Variants in MALT1 observed in about 807,000 individuals in gnomAD.
MALT1 encodes the protein mucosa-associated lymphoid tissue lymphoma translocation protein 1.
A neutral mutation model predicts 85.5 loss-of-function variants in MALT1; 36 were observed. That is an observed-to-expected ratio of 0.42 (90% CI 0.32 to 0.56). The LOEUF (loss-of-function observed/expected upper bound fraction) is 0.56, where lower values mean the gene tolerates loss of function less well. Among genes scored for constraint, MALT1 ranks in the 20% least tolerant of loss-of-function variants. The pLI, the probability that MALT1 is intolerant of heterozygous loss-of-function variation, is 0.10. For missense variants in MALT1, 716 were observed against 981.6 expected, an observed-to-expected ratio of 0.73 and a Z score of 3.62; for synonymous variants, 359 against 361.3, an observed-to-expected ratio of 0.99 and a Z score of 0.07.
chr18:58,696,123 C>A (rs187383822), intron 2 of MALT1, among the ~76,000 whole-genome samples: 107 of 152,300 alleles, frequency 7.0e-4, no homozygotes, highest in Admixed American at 9.2e-4. Flanking sequence ...TTCTCCCCCA[C>A]CCAATCATGG....
At chr18:58,737,950 C>T (rs147612994) in intron 13 of MALT1, among the ~76,000 whole-genome samples, 117 of 152,312 alleles carry the variant, frequency 7.7e-4, no homozygotes, top group African/African-American at 2.7e-3. Flanking sequence ...TATAATGCTA[C>T]AGCCATCAAT....
intron 3 of MALT1, chr18:58,697,320 A>G (rs527765043): frequency 6.6e-6 from 1 of 152,276 alleles, no homozygotes; most frequent in East Asian, 1.9e-4. Context: ...ATTGCCTCAT[A>G]CTGTAGGTGA....
At position 58,734,392 on chromosome 18, in the gene MALT1, T is replaced by C. The variant is rs747885496; in HGVS notation, c.1475+11T>C. On this transcript the variant is annotated intron_variant, in intron 12 of 16. Transcript: ENST00000649217. ...GTTTGGATATGCCACGTAAGAACAT[T>C]TGATGTTTACGTTGAAGTTTCCTTT... The C allele has an allele frequency of 1.9e-6, 3 of 1,605,796 alleles. No individual in the cohort carries two copies. Among genetic ancestry groups the C allele is most frequent in the Admixed American group, 1.7e-5 (1 of 59,996 alleles).
At chr18:58,711,966 T>C (rs975852020) in intron 7 of MALT1, among the ~76,000 whole-genome samples, 7 of 152,172 alleles carry the variant, frequency 4.6e-5, no homozygotes, top group Admixed American at 6.5e-5. Flanking sequence ...TTTTGCCTAA[T>C]TGCATGGTTT....
intron 4 of MALT1, among the ~76,000 whole-genome samples, chr18:58,701,767 T>C (rs1428132748): frequency 6.6e-6 from 1 of 152,214 alleles, no homozygotes; most frequent in African/African-American, 2.4e-5. Context: ...AAAGTTAATC[T>C]TTTGAACGTA....
At chr18:58,729,549 C>A (rs1360992211) in intron 10 of MALT1, among the ~76,000 whole-genome samples, 1 of 149,136 alleles carries the variant, frequency 6.7e-6, no homozygotes, top group Non-Finnish European at 1.5e-5. Context: ...GAAAAAAACA[C>A]TATGGAGTCA....
At position 58,681,275 on chromosome 18, in the gene MALT1, A is replaced by C; in HGVS notation, c.315A>C (p.Glu105Asp). 4 of 1,614,168 alleles carry C rather than the reference A, an allele frequency of 2.5e-6. No individual in the cohort carries two copies. Among genetic ancestry groups the C allele is most frequent in the Non-Finnish European group, 3.4e-6 (4 of 1,180,010 alleles). Residue 105 changes from glutamate (E) to aspartate (D), a missense_variant, in exon 2 of 17, where the codon GAA becomes GAC. By Grantham distance (45) the Glu-to-Asp change is conservative (BLOSUM62 2). Coordinates refer to ENST00000649217, the MANE Select transcript of MALT1 (RefSeq NM_006785.4). Reference sequence around the variant, plus strand: ...GTGAAAAAGGTTGCACAGTCACAGAATTGAGTGATTTCCTGCAGGCTATGG... The same window carrying C: ...GTGAAAAAGGTTGCACAGTCACAGACTTGAGTGATTTCCTGCAGGCTATGG... ...LMGEKGCTVT[E>D]LSDFLQAMEH...
At chr18:58,711,579 G>A (rs1025731674) in intron 7 of MALT1, among the ~76,000 whole-genome samples, 4 of 152,070 alleles carry the variant, frequency 2.6e-5, no homozygotes, top group Non-Finnish European at 4.4e-5. Context: ...ATTAGCCAAA[G>A]CATTGTACTT....
intron 6 of MALT1, among the ~76,000 whole-genome samples, chr18:58,710,647 A>G (rs1025469690): frequency 3.3e-5 from 5 of 152,214 alleles, no homozygotes; most frequent in Non-Finnish European, 7.3e-5. Context: ...AATAAAAGAA[A>G]AAGATTTTTA....
Position 58,735,197 on chromosome 18 carries a change from T to C in MALT1, c.1476-5T>C, listed in dbSNP as rs755420402. 1.2e-6 allele frequency: 2 copies of C among 1,601,782 alleles called. No individual in the cohort carries two copies. Among genetic ancestry groups the C allele is most frequent in the South Asian group, 1.1e-5 (1 of 87,840 alleles). On this transcript the variant is annotated splice_region_variant and splice_polypyrimidine_tract_variant and intron_variant, in intron 12 of 16. Transcript: ENST00000649217. The stretch of plus-strand genomic sequence containing the variant: ...CCTGGCTTAACTTCTTTTTCTATTT[T>C]TAAGGTGTCAAGGAGCAGAAGCTTT...
chr18:58,680,947 A>T (rs940942863), intron 1 of MALT1, among the ~76,000 whole-genome samples: 14 of 151,590 alleles, frequency 9.2e-5, no homozygotes, highest in Non-Finnish European at 1.6e-4. Flanking sequence ...AAAAAAAAAA[A>T]AAAAAAAATA....
intron 9 of MALT1, among the ~76,000 whole-genome samples, chr18:58,717,227 G>A (rs1303859972): frequency 1.3e-5 from 2 of 152,074 alleles, no homozygotes; most frequent in African/African-American, 2.4e-5. Context: ...GCTGGGCATT[G>A]TGGTGCATGC....
chr18:58,742,419 G>A (rs1187853602), intron 14 of MALT1, among the ~76,000 whole-genome samples: 1 of 152,084 alleles, frequency 6.6e-6, no homozygotes, highest in East Asian at 1.9e-4. Flanking sequence ...AATGGTACCT[G>A]CTTCAGGCTG....
intron 14 of MALT1, among the ~76,000 whole-genome samples, chr18:58,743,194 G>A (rs1433186823): frequency 1.3e-5 from 2 of 152,112 alleles, no homozygotes; most frequent in East Asian, 3.9e-4. Flanking sequence ...GGCCAACATG[G>A]TGAAACTCCA....
intron 2 of MALT1, among the ~76,000 whole-genome samples, chr18:58,687,138 A>G (rs553123761): frequency 8.5e-4 from 130 of 152,322 alleles, no homozygotes; most frequent in African/African-American, 3.0e-3. Flanking sequence ...CTTATTTGTA[A>G]GGGACTTTTC....
At chr18:58,746,378 T>C (rs138555941) in intron 16 of MALT1, among the ~76,000 whole-genome samples, 11 of 152,358 alleles carry the variant, frequency 7.2e-5, no homozygotes, top group African/African-American at 2.6e-4. Context: ...GTTCTATGAC[T>C]AGACATATAG....
intron 10 of MALT1, among the ~76,000 whole-genome samples, chr18:58,732,548 C>A (rs2055165292): frequency 1.3e-5 from 2 of 152,104 alleles, no homozygotes; most frequent in Non-Finnish European, 2.9e-5. Flanking sequence ...ATTTTAATAA[C>A]CCTTAACTGT....
intron 13 of MALT1, among the ~76,000 whole-genome samples, chr18:58,737,697 C>T (rs990510752): frequency 2.6e-5 from 4 of 152,074 alleles, no homozygotes; most frequent in Non-Finnish European, 4.4e-5. Context: ...ATCCTCTTGC[C>T]GCAGCCTCCC....
chr18:58,700,350 G>T, intron 3 of MALT1, 91 bp from the exon 4 acceptor site: 1 of 1,021,542 alleles, frequency 9.8e-7, no homozygotes, highest in Non-Finnish European at 1.4e-6. Context: ...CACTTTCAAA[G>T]CTTCATACTG....
Sources: gnomAD v4.1 joint callset for allele counts (sites outside exome capture counted in the v4.1 genomes callset) on GRCh38, gnomAD v4.1.1 for gene constraint, MANE v1.5 for transcripts, NCBI Gene and HGNC (gene_info 2026-07-23, HGNC 2026-07-21) for gene names.